Variants in BCR observed in about 807,000 individuals in gnomAD.
BCR encodes the protein breakpoint cluster region protein.
In BCR, 58 loss-of-function variants were observed where a neutral mutation model predicts 138.6. The observed-to-expected ratio is 0.42, with a 90% CI of 0.34 to 0.52. The LOEUF is 0.52. BCR is among the 20% of genes least tolerant of loss of function. The pLI, the probability that BCR is intolerant of heterozygous loss-of-function variation, is 0.06. For missense variants in BCR, 1,599 were observed against 1,727.2 expected (o/e 0.93, Z 1.32); for synonymous variants, 786 against 730.1 (o/e 1.08, Z -1.23).
chr22:23,300,189 G>C (rs2073889124), intron 16 of BCR, among the ~76,000 whole-genome samples: 1 of 152,026 alleles, frequency 6.6e-6, no homozygotes, highest in South Asian at 2.1e-4. Context: ...AGGGGGGCAG[G>C]TGCAAAAAGA....
intron 1 of BCR, among the ~76,000 whole-genome samples, chr22:23,183,397 C>T (rs1206481199): frequency 2.0e-5 from 3 of 152,222 alleles, no homozygotes; most frequent in Non-Finnish European, 4.4e-5. Context: ...CTATTTTTGG[C>T]TCTTAGAGCT....
intron 1 of BCR, among the ~76,000 whole-genome samples, chr22:23,198,736 C>A (rs751671207): frequency 3.9e-5 from 6 of 152,116 alleles, no homozygotes; most frequent in African/African-American, 4.8e-5. Flanking sequence ...CGGGCCGAAT[C>A]GTGATACCCA....
chr22:23,299,226 C>T lies in BCR; in HGVS notation c.3012+4071C>T, dbSNP rs372963818. On this transcript the variant is annotated intron_variant, in intron 16 of 22. Coordinates refer to ENST00000305877, the MANE Select transcript of BCR (RefSeq NM_004327.4). The stretch of plus-strand genomic sequence containing the variant: ...GTCTCGATCTCCTGACCTCATGATC[C>T]GCCCTCCTCAGCCTCCCAAAGTGCT... 4.0e-4 allele frequency among the ~76,000 whole-genome samples: 61 copies of T among 152,300 alleles called. 1 individual carries two copies. The South Asian group carries it at 0.012, about 29-fold the overall frequency.
rs999970466 is a variant in BCR at position 23,287,216 on chromosome 22, G to T, written c.2464G>T (p.Glu822Ter). 1 of 1,565,680 alleles carries T rather than the reference G, an allele frequency of 6.4e-7. No individual in the cohort carries two copies. The highest frequency in any genetic ancestry group is 1.9e-5 in the Admixed American group (1 of 52,912). ...ERLKKKLSEQ[E>*]SLLLLMSPSM... ...GCTGAAGAAGAAGCTGTCGGAGCAG[G>T]AGTCACTGCTGCTGCTTATGTCTCC... The change falls in exon 11 of 23, where the codon GAG (glutamate) becomes TAG (stop). Residue 822 changes from glutamate (E) to a stop codon, truncating the protein, a stop_gained. Transcript: ENST00000305877. LOFTEE classifies it high-confidence loss of function.
intron 2 of BCR, among the ~76,000 whole-genome samples, chr22:23,258,827 G>A (rs1019437935): frequency 6.6e-6 from 1 of 152,232 alleles, no homozygotes; most frequent in African/African-American, 2.4e-5. Context: ...GATTTTCCCC[G>A]AAAGTGGGAA....
rs770002548 is a variant in BCR at position 23,181,537 on chromosome 22, G to A, written c.577G>A (p.Asp193Asn). The A allele has an allele frequency of 2.5e-6, 4 of 1,612,834 alleles. No homozygotes were observed. Among genetic ancestry groups the A allele is most frequent in the South Asian group, 2.2e-5 (2 of 91,080 alleles). ...HHERGLVKVN[D>N]KEVSDRISSL... ...CGAGCGCGGCCTGGTGAAGGTCAAC[G>A]ACAAAGAGGTGTCGGACCGCATCAG... The change falls in exon 1 of 23, where the codon GAC (aspartate) becomes AAC (asparagine). Residue 193 changes from aspartate to asparagine, a missense_variant. Physicochemically the swap from Asp to Asn is conservative, Grantham distance 23. This residue lies in a region of BCR where 806 missense variants were observed against 635.0 expected (regional missense o/e 1.27). Coordinates refer to ENST00000305877, the MANE Select transcript of BCR (RefSeq NM_004327.4).
At chr22:23,202,246 A>G (rs949022088) in intron 1 of BCR, among the ~76,000 whole-genome samples, 4 of 152,100 alleles carry the variant, frequency 2.6e-5, no homozygotes, top group East Asian at 1.9e-4. Context: ...ATACAATTCA[A>G]CCCTTTAAAG....
intron 1 of BCR, chr22:23,242,848 T>C (rs1408245661): frequency 2.2e-6 from 1 of 455,644 alleles, no homozygotes; most frequent in Non-Finnish European, 4.4e-6. Context: ...CATCAAGGTG[T>C]CCGCAGGGCC....
At chr22:23,198,504 A>G in intron 1 of BCR, 1 of 268,794 alleles carries the variant, frequency 3.7e-6, no homozygotes, top group Non-Finnish European at 7.4e-6. Context: ...CATGGGCCTG[A>G]CATGTTGTAG....
chr22:23,186,364 C>T (rs2146195481), intron 1 of BCR, among the ~76,000 whole-genome samples: 1 of 152,172 alleles, frequency 6.6e-6, no homozygotes, highest in East Asian at 1.9e-4. Context: ...ACTGTCTTAA[C>T]CCTTTTAAAT....
Position 23,181,741 on chromosome 22 carries a change from A to T in BCR, c.781A>T (p.Ile261Phe), listed in dbSNP as rs2072266664. 7 of 1,604,268 alleles carry T rather than the reference A, an allele frequency of 4.4e-6. No individual in the cohort carries two copies. The highest frequency in any genetic ancestry group is 5.9e-6 in the Non-Finnish European group (7 of 1,179,948). Residue 261 changes from isoleucine (I) to phenylalanine (F), a missense_variant, in exon 1 of 23, where the codon ATC becomes TTC. This residue lies in a region of BCR where 806 missense variants were observed against 635.0 expected (regional missense o/e 1.27). Transcript: ENST00000305877. ...CCCCCGCTTCCTGAAGGACAACCTGATCGACGCCAATGGCGGTAGCAGGCC... is the reference window on the plus strand; with the variant it reads ...CCCCCGCTTCCTGAAGGACAACCTGTTCGACGCCAATGGCGGTAGCAGGCC... ...LNPRFLKDNL[I>F]DANGGSRPPW...
chr22:23,219,531 T>C (rs538437345), intron 1 of BCR, among the ~76,000 whole-genome samples: 134 of 152,326 alleles, frequency 8.8e-4, no homozygotes, highest in African/African-American at 3.1e-3. Context: ...CACAGGGACC[T>C]GACCGCTGTT....
At chr22:23,314,353 T>C (rs2074042982) in intron 21 of BCR, among the ~76,000 whole-genome samples, 199 bp from the exon 22 acceptor site, 1 of 152,082 alleles carries the variant, frequency 6.6e-6, no homozygotes, top group Middle Eastern at 3.2e-3. Context: ...TCACATCAAG[T>C]AGGAGACCTC....
rs367848253 is a variant in BCR, at chr22:23,289,639, C to T, written c.2707+18C>T. 94 of 1,601,042 alleles carry T rather than the reference C, an allele frequency of 5.9e-5. No individual in the cohort carries two copies. The highest frequency in any genetic ancestry group is 7.1e-5 in the Non-Finnish European group (83 of 1,168,452). ...TAAGGAAGGTGGGCCCCCCCGTTTC[C>T]GTGTACAGGGCACCTGCAGGGAGGG... On this transcript the variant is annotated intron_variant, in intron 13 of 22. Transcript: ENST00000305877.
chr22:23,262,373 G>A (rs886360796), intron 4 of BCR, among the ~76,000 whole-genome samples: 1 of 152,138 alleles, frequency 6.6e-6, no homozygotes, highest in African/African-American at 2.4e-5. Flanking sequence ...CCTGTAGGGG[G>A]ACCCCTCCCT....
intron 8 of BCR, among the ~76,000 whole-genome samples, chr22:23,274,974 G>T (rs766795383): frequency 6.6e-5 from 10 of 151,854 alleles, no homozygotes; most frequent in Non-Finnish European, 1.2e-4. Flanking sequence ...TGGGCCAGGT[G>T]GTCGGCACTG....
At chr22:23,218,662 C>T (rs2072785317) in intron 1 of BCR, among the ~76,000 whole-genome samples, 1 of 152,270 alleles carries the variant, frequency 6.6e-6, no homozygotes, top group Non-Finnish European at 1.5e-5. Flanking sequence ...TCTCTGATCA[C>T]CACTCAAGCC....
chr22:23,180,600 G>GGCA lies in BCR; in HGVS notation c.-359_-358insAGC, dbSNP rs1569232253. The GGCA allele has an allele frequency of 1.3e-4, 23 of 174,362 alleles. No homozygotes were observed. In the South Asian group the frequency reaches 1.6e-3, roughly 12 times the overall value. 10.8% of individuals were successfully genotyped at this position (174,362 alleles called of 1,614,324 possible). A position where few individuals can be genotyped will look rare whatever the true frequency, so the allele number is the denominator to read the frequency against. ...GCGGCGGCGGCGGCGGCACGGCGGC[G>GGCA]GCGGGGCTGTGGGGCGGTGCGGAAG... On this transcript the variant is annotated 5_prime_UTR_variant, in exon 1 of 23. Transcript: ENST00000305877.
At chr22:23,310,175 G>A (rs1376046733) in intron 17 of BCR, 149 bp from the exon 18 acceptor site, 15 of 545,408 alleles carry the variant, frequency 2.8e-5, no homozygotes, top group Non-Finnish European at 4.1e-5. Flanking sequence ...GTAGACTAGG[G>A]GCTTCCCCGA....
Sources: gnomAD v4.1 joint callset for allele counts (sites outside exome capture counted in the v4.1 genomes callset) on GRCh38, gnomAD v4.1.1 for gene constraint, gnomAD v4.1.1 regional missense constraint, MANE v1.5 for transcripts, NCBI Gene and HGNC (gene_info 2026-07-23, HGNC 2026-07-21) for gene names.